The following CTNNBL1 variants were observed in gnomAD, a reference collection of about 807,000 sequenced individuals.
The protein encoded by CTNNBL1 is beta-catenin-like protein 1.
In CTNNBL1, 31 loss-of-function variants were observed where a neutral mutation model predicts 72.7. That is an observed-to-expected ratio of 0.43 (90% CI 0.32 to 0.58). The LOEUF (loss-of-function observed/expected upper bound fraction) is 0.58. Ranked by LOEUF, CTNNBL1 falls within the 20% of genes least tolerant of loss-of-function variation. CTNNBL1 has a pLI of 0.08. For synonymous variants in CTNNBL1, 240 were observed against 267.3 expected (o/e 0.90, Z 1.00); for missense variants, 534 against 725.1 (o/e 0.74, Z 3.03).
At chr20:37,731,596 G>A (rs578121653) in intron 1 of CTNNBL1, among the ~76,000 whole-genome samples, 14 of 152,174 alleles carry the variant, frequency 9.2e-5, no homozygotes, top group African/African-American at 3.1e-4. Context: ...CCCAGCCTCT[G>A]GTGACGATCA....
At chr20:37,853,059 G>A (rs1420579202) in intron 13 of CTNNBL1, among the ~76,000 whole-genome samples, 1 of 152,152 alleles carries the variant, frequency 6.6e-6, no homozygotes, top group East Asian at 1.9e-4. Context: ...AAGGTCTCTT[G>A]AGGGGCAAAG....
chr20:37,842,232 G>A, intron 12 of CTNNBL1, 107 bp from the exon 13 acceptor site: 1 of 765,548 alleles, frequency 1.3e-6, no homozygotes, highest in Non-Finnish European at 2.3e-6. Flanking sequence ...TGCCAGAGCG[G>A]GTCTCCCTTT....
intron 4 of CTNNBL1, chr20:37,756,273 A>G (rs1235572279): frequency 6.6e-6 from 1 of 152,282 alleles, no homozygotes; most frequent in Non-Finnish European, 1.5e-5. Flanking sequence ...TAGATTATCT[A>G]TCTTTCTCAT....
At chr20:37,748,554 G>T (rs2073288897) in intron 4 of CTNNBL1, among the ~76,000 whole-genome samples, 1 of 152,208 alleles carries the variant, frequency 6.6e-6, no homozygotes, top group Admixed American at 6.5e-5. Context: ...GCATCAGTCA[G>T]TAAGTATATA....
chr20:37,856,031 G>A (rs2072437333), intron 13 of CTNNBL1, among the ~76,000 whole-genome samples: 1 of 152,066 alleles, frequency 6.6e-6, no homozygotes, highest in Non-Finnish European at 1.5e-5. Flanking sequence ...GAGGTCAGAG[G>A]TTGGAGACCA....
At chr20:37,744,328 G>T (rs1358055660) in intron 3 of CTNNBL1, among the ~76,000 whole-genome samples, 1 of 152,154 alleles carries the variant, frequency 6.6e-6, no homozygotes, top group Non-Finnish European at 1.5e-5. Context: ...ATCTATTTAA[G>T]TCATGTGTAC....
At chr20:37,739,909 C>T (rs1020570960) in intron 3 of CTNNBL1, among the ~76,000 whole-genome samples, 6 of 152,154 alleles carry the variant, frequency 3.9e-5, no homozygotes, top group East Asian at 1.9e-4. Context: ...AGCTATGCTG[C>T]GGGTAATGAT....
chr20:37,859,596 C>T (rs8117787), intron 13 of CTNNBL1, among the ~76,000 whole-genome samples: 52,939 of 140,684 alleles, frequency 0.38, 9,707 homozygotes, highest in Admixed American at 0.51. Context: ...ATTTGTGTCC[C>T]GTCAGCTTGT....
chr20:37,827,459 A>C lies in CTNNBL1; in HGVS notation c.1214-12643A>C, dbSNP rs2072169934. On this transcript the variant is annotated intron_variant, in intron 11 of 15. Coordinates refer to ENST00000361383, the MANE Select transcript of CTNNBL1 (RefSeq NM_030877.5). Reference sequence around the variant, plus strand: ...CCTAATTTTATAGACAAAGATGTTGAGACCCAGAGAATAGGTGGAAAAGAG... The same window carrying C: ...CCTAATTTTATAGACAAAGATGTTGCGACCCAGAGAATAGGTGGAAAAGAG... Among the ~76,000 whole-genome samples, 5 of 152,332 alleles carry C rather than the reference A, an allele frequency of 3.3e-5. No homozygotes were observed. In the South Asian group the frequency reaches 1.0e-3, roughly 32 times the overall value.
At chr20:37,863,027 C>T (rs1234333460) in intron 15 of CTNNBL1, among the ~76,000 whole-genome samples, 1 of 152,172 alleles carries the variant, frequency 6.6e-6, no homozygotes, top group Admixed American at 6.5e-5. Context: ...ACTGTGTCTC[C>T]TCAGCACCCA....
chr20:37,778,879 A>G (rs1745689585), intron 9 of CTNNBL1, among the ~76,000 whole-genome samples: 1 of 151,962 alleles, frequency 6.6e-6, no homozygotes, highest in Non-Finnish European at 1.5e-5. Context: ...TCTGTGTTAT[A>G]TTTCACGATA....
At chr20:37,848,152 T>G (rs1001041402) in intron 13 of CTNNBL1, among the ~76,000 whole-genome samples, 2 of 148,434 alleles carry the variant, frequency 1.3e-5, no homozygotes, top group Admixed American at 6.7e-5. Flanking sequence ...CCAGCTTTTT[T>G]TTTTTTTTTT....
chr20:37,859,756 T>A, intron 13 of CTNNBL1, 143 bp from the exon 14 acceptor site: 1 of 770,052 alleles, frequency 1.3e-6, no homozygotes, highest in Non-Finnish European at 2.1e-6. Flanking sequence ...AAGGGAGATG[T>A]AGACAAATCA....
At chr20:37,832,711 A>G (rs1357518415) in intron 11 of CTNNBL1, among the ~76,000 whole-genome samples, 1 of 152,198 alleles carries the variant, frequency 6.6e-6, no homozygotes, top group Non-Finnish European at 1.5e-5. Flanking sequence ...ACTCATAAGC[A>G]GGCCCATCTA....
intron 11 of CTNNBL1, among the ~76,000 whole-genome samples, chr20:37,816,028 A>T (rs2072055667): frequency 1.3e-5 from 2 of 151,920 alleles, no homozygotes; most frequent in African/African-American, 4.8e-5. Flanking sequence ...TGTTTTTTTT[A>T]TGGTAAGAAA....
At chr20:37,815,632 TA>T (rs1281255917) in intron 11 of CTNNBL1, among the ~76,000 whole-genome samples, 1 of 152,178 alleles carries the variant, frequency 6.6e-6, no homozygotes, top group Non-Finnish European at 1.5e-5. Flanking sequence ...TTGGCTCTTC[TA>T]AGTGTTGTGA....
chr20:37,723,290 T>C (rs2073056355), intron 1 of CTNNBL1, among the ~76,000 whole-genome samples: 1 of 152,264 alleles, frequency 6.6e-6, no homozygotes, highest in Non-Finnish European at 1.5e-5. Flanking sequence ...ATCTTAGCTG[T>C]CAGCCAATCA....
chr20:37,840,365 T>C (rs971995142), intron 12 of CTNNBL1, among the ~76,000 whole-genome samples, 166 bp downstream of exon 12: 2 of 152,198 alleles, frequency 1.3e-5, no homozygotes, highest in African/African-American at 4.8e-5. Flanking sequence ...GTTATTCTGC[T>C]TTTCATCTCC....
intron 11 of CTNNBL1, among the ~76,000 whole-genome samples, chr20:37,821,332 G>A (rs1390186778): frequency 1.3e-5 from 2 of 152,174 alleles, no homozygotes; most frequent in Non-Finnish European, 2.9e-5. Flanking sequence ...TATGCCTTAC[G>A]CGTGGGGGTG....
Sources: allele counts gnomAD v4.1 joint callset (sites outside exome capture counted in the v4.1 genomes callset), GRCh38; gene constraint gnomAD v4.1.1; transcripts MANE v1.5; gene names NCBI Gene and HGNC (gene_info 2026-07-23, HGNC 2026-07-21).